WDTC1: variants seen among roughly 807,000 people sequenced by gnomAD.
WDTC1 encodes the protein WD and tetratricopeptide repeats 1.
Under a neutral mutation model 76.0 loss-of-function variants are expected in WDTC1, and 12 were observed. The observed-to-expected ratio is 0.16, with a 90% CI of 0.10 to 0.26. The LOEUF (loss-of-function observed/expected upper bound fraction) is 0.26. Among genes scored for constraint, WDTC1 ranks in the 10% least tolerant of loss-of-function variants. WDTC1 has a pLI of 1.00. For missense variants in WDTC1, 511 were observed against 908.8 expected (o/e 0.56, Z 5.63); for synonymous variants, 326 against 350.8 (o/e 0.93, Z 0.79).
intron 1 of WDTC1, among the ~76,000 whole-genome samples, chr1:27,252,867 T>C (rs1477380252): frequency 6.6e-6 from 1 of 152,156 alleles, no homozygotes. Context: ...TTTTTTCCAT[T>C]ACAGTTTTCT....
intron 3 of WDTC1, among the ~76,000 whole-genome samples, chr1:27,270,106 TAGAAAC>T (rs2012823488): frequency 1.3e-5 from 2 of 152,036 alleles, no homozygotes; most frequent in African/African-American, 4.8e-5. Context: ...CCCAGCTAGT[TAGAAAC>T]AGGGTTTTAC....
intron 3 of WDTC1, among the ~76,000 whole-genome samples, chr1:27,269,621 G>GTTTTTTT (rs538857228): frequency 1.6e-5 from 2 of 126,852 alleles, no homozygotes; most frequent in African/African-American, 3.0e-5. Flanking sequence ...TTTTTTTTCG[G>GTTTTTTT]TTTTTTTTTT....
In WDTC1 at chr1:27,304,995, CG is replaced by C; in HGVS notation, c.1644-5del. The C allele has an allele frequency of 6.2e-7, 1 of 1,609,120 alleles. No homozygotes were observed. The highest frequency in any genetic ancestry group is 8.5e-7 in the Non-Finnish European group (1 of 1,176,430). ...CTGACCTCCCTGCCCTTTGCCCCCC[CG>C]CCAGCAACGCTCAGTATATCGTCAG... On this transcript the variant is annotated splice_region_variant and splice_polypyrimidine_tract_variant and intron_variant, in intron 14 of 15. Transcript: ENST00000319394.
intron 1 of WDTC1, among the ~76,000 whole-genome samples, chr1:27,236,139 A>G (rs1201220464): frequency 6.6e-6 from 1 of 152,120 alleles, no homozygotes; most frequent in African/African-American, 2.4e-5. Flanking sequence ...TGAAGGAACT[A>G]CTTAATGCTA....
chr1:27,258,899 G>C (rs2147928509), intron 1 of WDTC1, among the ~76,000 whole-genome samples: 1 of 152,280 alleles, frequency 6.6e-6, no homozygotes, highest in Non-Finnish European at 1.5e-5. Context: ...GAGAGAACTG[G>C]TAAACCCTGA....
intron 1 of WDTC1, among the ~76,000 whole-genome samples, chr1:27,245,817 C>T (rs1407722423): frequency 6.6e-6 from 1 of 151,488 alleles, no homozygotes; most frequent in Non-Finnish European, 1.5e-5. Flanking sequence ...GTCCACCCGC[C>T]TTGGCCTCCC....
chr1:27,299,708 T>C (rs1433146883), intron 12 of WDTC1, among the ~76,000 whole-genome samples: 2 of 152,020 alleles, frequency 1.3e-5, no homozygotes, highest in African/African-American at 2.4e-5. Context: ...CTCGATTCAG[T>C]GCATGATGGG....
In WDTC1 at chr1:27,274,126, C is replaced by CA. The variant is rs1380813544; in HGVS notation, c.133-8106dup. Among the ~76,000 whole-genome samples the CA allele has an allele frequency of 2.7e-5, 4 of 147,836 alleles. No individual in the cohort carries two copies. Among genetic ancestry groups the CA allele is most frequent in the Non-Finnish European group, 4.5e-5 (3 of 66,736 alleles). Reference sequence around the variant, plus strand: ...GCAACATAACAGGACCTCATCTCTACAAAAAAATACAAAAATTAACCAGGT... The same window carrying CA: ...GCAACATAACAGGACCTCATCTCTACAAAAAAAATACAAAAATTAACCAGGT... On this transcript the variant is annotated intron_variant, in intron 3 of 15. Coordinates refer to ENST00000319394, the MANE Select transcript of WDTC1 (RefSeq NM_001276252.2). This position sits in a 1 kb window ranked among gnomAD's most constrained non-coding sequence, Gnocchi z 4.2.
rs1295694587 is a variant in WDTC1, at chr1:27,301,116, G to A, written c.1233-110G>A. 2 of 902,412 alleles carry A rather than the reference G, an allele frequency of 2.2e-6. No homozygotes were observed. Among genetic ancestry groups the A allele is most frequent in the Admixed American group, 4.3e-5 (2 of 47,040 alleles). The allele number at this position is 902,412 out of a possible 1,614,324, so 55.9% of individuals were successfully genotyped here. On this transcript the variant is annotated intron_variant, in intron 12 of 15. Transcript: ENST00000319394. This position sits in a 1 kb window ranked among gnomAD's most constrained non-coding sequence, Gnocchi z 5.8. ...TCGTCCTCAAGTCCCCTTGCCATGAGATCTGTCAGTGGTGGGCTGGGGTGG... is the reference window on the plus strand; with the variant it reads ...TCGTCCTCAAGTCCCCTTGCCATGAAATCTGTCAGTGGTGGGCTGGGGTGG...
At chr1:27,297,793 C>A in intron 11 of WDTC1, 145 bp from the exon 12 acceptor site, 1 of 738,538 alleles carries the variant, frequency 1.4e-6, no homozygotes, top group Non-Finnish European at 2.1e-6. Context: ...TATCCCAGAC[C>A]AGGGTAGTGG....
intron 3 of WDTC1, 69 bp from the exon 4 acceptor site, chr1:27,282,167 ACTT>A (rs2013207751): frequency 6.9e-7 from 1 of 1,457,176 alleles, no homozygotes; most frequent in East Asian, 2.3e-5. Flanking sequence ...GTTCAGTTCC[ACTT>A]CTTGGTGTTG....
In WDTC1 at chr1:27,306,110, C is replaced by T. The variant is rs985399888; in HGVS notation, c.1837-76C>T. 5 of 1,526,638 alleles carry T rather than the reference C, an allele frequency of 3.3e-6. No homozygotes were observed. In the African/African-American group the frequency reaches 4.1e-5, roughly 12 times the overall value. The allele number at this position is 1,526,638 out of a possible 1,614,324, so 94.6% of individuals were successfully genotyped here. A position where few individuals can be genotyped will look rare whatever the true frequency, so the allele number is the denominator to read the frequency against. ...GATAGTTTAGTCTGTGTATTTCCCT[C>T]CCCCTCCCCTATACGTGTACCCTGG... On this transcript the variant is annotated intron_variant, in intron 15 of 15. Transcript: ENST00000319394. The surrounding 1 kb of genome is among the most constrained non-coding windows in gnomAD (Gnocchi z 5.0).
At chr1:27,258,579 G>A (rs1466325517) in intron 1 of WDTC1, among the ~76,000 whole-genome samples, 1 of 149,968 alleles carries the variant, frequency 6.7e-6, no homozygotes, top group Non-Finnish European at 1.5e-5. Context: ...GGGAAGGAAA[G>A]AAAGAAAGAG....
In WDTC1 at chr1:27,297,106, G is replaced by A. The variant is rs781069479; in HGVS notation, c.1008G>A (p.Leu336=). The change falls in exon 11 of 16, where the codon CTG becomes CTA. Residue 336 remains leucine, a synonymous_variant. Transcript: ENST00000319394. Reference sequence around the variant, plus strand: ...TGTCCAACGGTGTGTCCAATGGCCTGCACCTTCATAGCAATGGCTTCCGGC... The same window carrying A: ...TGTCCAACGGTGTGTCCAATGGCCTACACCTTCATAGCAATGGCTTCCGGC... ...NGVSNGVSNG[L]HLHSNGFRLP... 13 of 1,613,962 alleles carry A rather than the reference G, an allele frequency of 8.1e-6. No individual in the cohort carries two copies. The highest frequency in any genetic ancestry group is 1.3e-5 in the African/African-American group (1 of 74,920).
Position 27,260,965 on chromosome 1 carries a change from T to C in WDTC1, c.-90T>C. On this transcript the variant is annotated 5_prime_UTR_variant, in exon 2 of 16. The change abolishes an upstream ATG in the 5' untranslated region. Transcript: ENST00000319394. ...GATTTTTTTCCCCCAGGTAATTAAA[T>C]GTGTATTTTGTGGACCTGGGCTTGG... 1 of 1,387,642 alleles carries C rather than the reference T, an allele frequency of 7.2e-7. No homozygotes were observed. The highest frequency in any genetic ancestry group is 1.0e-6 in the Non-Finnish European group (1 of 990,590). The allele number at this position is 1,387,642 out of a possible 1,614,324, so 86.0% of individuals were successfully genotyped here.
intron 6 of WDTC1, among the ~76,000 whole-genome samples, chr1:27,289,747 C>T (rs1440229824): frequency 9.9e-5 from 15 of 152,166 alleles, no homozygotes; most frequent in African/African-American, 3.6e-4. Flanking sequence ...CCTCGGGAGG[C>T]CGAGGCTGGC....
chr1:27,262,941 T>TGAACG (rs2012530215), intron 2 of WDTC1, among the ~76,000 whole-genome samples: 1 of 151,966 alleles, frequency 6.6e-6, no homozygotes, highest in South Asian at 2.1e-4. Flanking sequence ...AAAAAAAAAA[T>TGAACG]GAACGGCACA....
intron 1 of WDTC1, among the ~76,000 whole-genome samples, chr1:27,246,971 A>C (rs1226228336): frequency 2.0e-5 from 3 of 151,178 alleles, no homozygotes; most frequent in Non-Finnish European, 4.4e-5. Context: ...GGCCTAAGTA[A>C]TCCTCCTACC....
intron 1 of WDTC1, among the ~76,000 whole-genome samples, chr1:27,237,968 T>C (rs1260575573): frequency 1.3e-5 from 2 of 152,156 alleles, no homozygotes; most frequent in Non-Finnish European, 2.9e-5. Flanking sequence ...TCCTAAAAAG[T>C]GACTGACATT....
Sources: gnomAD v4.1 joint callset for allele counts (sites outside exome capture counted in the v4.1 genomes callset) on GRCh38, gnomAD v4.1.1 for gene constraint, Gnocchi (gnomAD v3.1) non-coding constraint, MANE v1.5 for transcripts, NCBI Gene and HGNC (gene_info 2026-07-23, HGNC 2026-07-21) for gene names.